The following GRIK4 variants were observed in gnomAD, a reference collection of about 807,000 sequenced individuals.
The protein encoded by GRIK4 is glutamate receptor ionotropic, kainate 4.
GRIK4 carries 40 observed loss-of-function variants against 104.9 expected under a neutral mutation model. The ratio of observed to expected loss-of-function variants is 0.38; its 90% confidence interval spans 0.30 to 0.50. The LOEUF (loss-of-function observed/expected upper bound fraction) is 0.50, where lower values mean the gene tolerates loss of function less well. Among genes scored for constraint, GRIK4 ranks in the 20% least tolerant of loss-of-function variants. GRIK4 has a pLI of 0.93. For missense variants in GRIK4, 1,047 were observed against 1,308.1 expected, an observed-to-expected ratio of 0.80 and a Z score of 3.08; for synonymous variants, 485 against 524.9, an observed-to-expected ratio of 0.92 and a Z score of 1.04.
At chr11:120,552,202 C>G (rs117588351) in intron 1 of GRIK4, among the ~76,000 whole-genome samples, 1 of 152,102 alleles carries the variant, frequency 6.6e-6, no homozygotes, top group Non-Finnish European at 1.5e-5. Context: ...GAGCCCTCAC[C>G]CAGTGGGATC....
At chr11:120,824,067 TAGG>T (rs1953192165) in intron 6 of GRIK4, among the ~76,000 whole-genome samples, 4 of 152,192 alleles carry the variant, frequency 2.6e-5, no homozygotes, top group Admixed American at 2.6e-4. Context: ...TGAGTAGAAT[TAGG>T]AGCAGAATCT....
chr11:120,787,900 G>C (rs1262177799), intron 3 of GRIK4, among the ~76,000 whole-genome samples: 2 of 96,650 alleles, frequency 2.1e-5, no homozygotes, highest in Admixed American at 2.5e-4. Flanking sequence ...GTCTCACTCT[G>C]TTGCCAGGCT....
intron 12 of GRIK4, among the ~76,000 whole-genome samples, chr11:120,904,041 G>A (rs1467380444): frequency 2.0e-5 from 3 of 152,108 alleles, no homozygotes; most frequent in Non-Finnish European, 4.4e-5. Flanking sequence ...TTCTGTGATT[G>A]CCCTTCATTT....
At chr11:120,635,993 T>C (rs949173767) in intron 1 of GRIK4, among the ~76,000 whole-genome samples, 1 of 152,188 alleles carries the variant, frequency 6.6e-6, no homozygotes, top group Non-Finnish European at 1.5e-5. Context: ...GTTTTGCCTC[T>C]TTTCAAACTC....
intron 1 of GRIK4, among the ~76,000 whole-genome samples, chr11:120,528,055 C>T (rs1947878684): frequency 6.6e-6 from 1 of 152,222 alleles, no homozygotes; most frequent in Non-Finnish European, 1.5e-5. Context: ...CCTCGATCTC[C>T]CGGGCTCAGC....
At chr11:120,622,829 G>A (rs557038333) in intron 1 of GRIK4, among the ~76,000 whole-genome samples, 255 of 152,284 alleles carry the variant, frequency 1.7e-3, no homozygotes, top group African/African-American at 5.8e-3. Context: ...CTGTGGTCAC[G>A]CTGCCCCCTC....
At chr11:120,837,871 G>A (rs937394505) in intron 8 of GRIK4, among the ~76,000 whole-genome samples, 1 of 152,124 alleles carries the variant, frequency 6.6e-6, no homozygotes, top group African/African-American at 2.4e-5. Flanking sequence ...TCCATTTTGG[G>A]AGCCTGGGAA....
chr11:120,845,650 T>TAC (rs146137487), intron 8 of GRIK4, among the ~76,000 whole-genome samples: 15,348 of 146,076 alleles, frequency 0.11, 1,154 homozygotes, highest in African/African-American at 0.22. Context: ...TGCACACTTC[T>TAC]ACACACACAC....
chr11:120,885,770 T>A (rs1445679665), intron 11 of GRIK4, among the ~76,000 whole-genome samples: 1 of 152,220 alleles, frequency 6.6e-6, no homozygotes, highest in Non-Finnish European at 1.5e-5. Flanking sequence ...CTCTGAAAAT[T>A]TAACTTCAGA....
At chr11:120,928,169 G>A (rs1033419997) in intron 13 of GRIK4, among the ~76,000 whole-genome samples, 4 of 145,138 alleles carry the variant, frequency 2.8e-5, no homozygotes, top group African/African-American at 5.1e-5. Flanking sequence ...AGCCGAGATC[G>A]CACCACTGCA....
chr11:120,789,138 T>A (rs1952345915), intron 3 of GRIK4, among the ~76,000 whole-genome samples: 1 of 152,154 alleles, frequency 6.6e-6, no homozygotes, highest in Non-Finnish European at 1.5e-5. Flanking sequence ...ATTATCACCC[T>A]GACCCTGGGG....
chr11:120,854,084 T>TGAAAG (rs1284438588), intron 8 of GRIK4, among the ~76,000 whole-genome samples: 2 of 152,240 alleles, frequency 1.3e-5, no homozygotes, highest in Non-Finnish European at 2.9e-5. Flanking sequence ...AAGCAGTGCA[T>TGAAAG]GAAAGTGCCC....
chr11:120,553,706 G>A (rs1948161182), intron 1 of GRIK4, among the ~76,000 whole-genome samples: 1 of 152,356 alleles, frequency 6.6e-6, no homozygotes, highest in Admixed American at 6.5e-5. Context: ...CTGGGGAGGG[G>A]AGGGGAAGTT....
At chr11:120,652,583 G>A (rs1427147946) in intron 1 of GRIK4, among the ~76,000 whole-genome samples, 1 of 148,392 alleles carries the variant, frequency 6.7e-6, no homozygotes, top group Non-Finnish European at 1.5e-5. Flanking sequence ...GGGGAGTCAG[G>A]ACAGCAGAGA....
At position 120,658,727 on chromosome 11, in the gene GRIK4, C is replaced by CTTTTTT. The variant is rs71050753; in HGVS notation, c.-50-1508_-50-1503dup. On this transcript the variant is annotated intron_variant, in intron 2 of 20. Coordinates refer to ENST00000527524, the MANE Select transcript of GRIK4 (RefSeq NM_014619.5). ...TCTGTCTAGGGGTTGGAGGACGAAA[C>CTTTTTT]TTTTTTTTTTTTTTTTTTTTTTTTT... Among the ~76,000 whole-genome samples, 5 of 56,746 alleles carry CTTTTTT rather than the reference C, an allele frequency of 8.8e-5. 1 individual carries two copies. Among genetic ancestry groups the CTTTTTT allele is most frequent in the Admixed American group, 2.9e-4 (1 of 3,392 alleles). The allele number at this position is 56,746 out of a possible 152,430, so 37.2% of individuals were successfully genotyped here.
intron 13 of GRIK4, among the ~76,000 whole-genome samples, chr11:120,934,204 C>CAAAAAAAAAAA (rs35705174): frequency 1.8e-5 from 1 of 54,242 alleles, no homozygotes; most frequent in Non-Finnish European, 3.4e-5. Context: ...GACTCCGTCT[C>CAAAAAAAAAAA]AAAAAAAAAA....
chr11:120,954,667 G>A (rs1360429191), intron 15 of GRIK4, among the ~76,000 whole-genome samples: 2 of 151,766 alleles, frequency 1.3e-5, no homozygotes, highest in South Asian at 2.1e-4. Context: ...GGGGTGTTAC[G>A]CTGCCCCTCC....
Position 120,898,555 on chromosome 11 carries a change from G to A in GRIK4, c.1188G>A (p.Glu396=), listed in dbSNP as rs774510176. ...FRQIGQWHVA[E]GLSMDSHLYA... ...AGATCGGCCAGTGGCACGTGGCAGA[G>A]GGCCTCAGCATGGACAGCCACCTCT... The change falls in exon 12 of 21, where the codon GAG becomes GAA. Residue 396 remains glutamate, a synonymous_variant. Coordinates refer to ENST00000527524, the MANE Select transcript of GRIK4 (RefSeq NM_014619.5). 3 of 1,609,610 alleles carry A rather than the reference G, an allele frequency of 1.9e-6. No homozygotes were observed. The South Asian group carries it at 3.3e-5, about 18-fold the overall frequency.
At chr11:120,887,383 G>T (rs1955152728) in intron 11 of GRIK4, among the ~76,000 whole-genome samples, 1 of 152,094 alleles carries the variant, frequency 6.6e-6, no homozygotes, top group African/African-American at 2.4e-5. Flanking sequence ...AAGTAAAAAA[G>T]AATAAGCCCA....
Sources: gnomAD v4.1 joint callset for allele counts (sites outside exome capture counted in the v4.1 genomes callset) on GRCh38, gnomAD v4.1.1 for gene constraint, MANE v1.5 for transcripts, NCBI Gene and HGNC (gene_info 2026-07-23, HGNC 2026-07-21) for gene names.